Variants in ADA2 observed in about 807,000 individuals in gnomAD.
The protein encoded by ADA2 is adenosine deaminase CECR1.
In ADA2, 29 loss-of-function variants were observed where a neutral mutation model predicts 44.2. The ratio of observed to expected loss-of-function variants is 0.66; its 90% CI spans 0.49 to 0.89. ADA2 has a LOEUF of 0.89. ADA2 is among the 40% of genes least tolerant of loss of function. ADA2 has a pLI of 0.00. For synonymous variants in ADA2, 215 were observed against 234.9 expected (o/e 0.92, Z 0.77); for missense variants, 637 against 644.8 (o/e 0.99, Z 0.13).
At position 17,206,223 on chromosome 22, in the gene ADA2, A is replaced by G. The variant is rs983685041; in HGVS notation, c.542+848T>C. 3.9e-5 allele frequency among the ~76,000 whole-genome samples: 6 copies of G among 152,218 alleles called. 1 individual carries two copies. The South Asian group carries it at 1.2e-3, about 32-fold the overall frequency. On this transcript the variant is annotated intron_variant, in intron 3 of 9. Coordinates refer to ENST00000399837, the MANE Select transcript of ADA2 (RefSeq NM_001282225.2). Reference sequence around the variant, plus strand: ...TGTAATCTCAGCACTTTGGGAGGCCAAGATGGGCAGATCTCCTGAGGTCAG... The same window carrying G: ...TGTAATCTCAGCACTTTGGGAGGCCGAGATGGGCAGATCTCCTGAGGTCAG...
At chr22:17,188,868 A>AAAAAAAAAAAAAAAAAAAAAAAATAT in intron 6 of ADA2, 5 of 81,176 alleles carry the variant, frequency 6.2e-5, no homozygotes, top group African/African-American at 2.1e-4. Context: ...AAGAGCAAAA[A>AAAAAAAAAAAAAAAAAAAAAAAATAT]ATATATATAT....
Position 17,180,025 on chromosome 22 carries a change from G to C in ADA2, c.*1458C>G, listed in dbSNP as rs1478344770. 1 of 152,272 alleles carries C rather than the reference G, an allele frequency of 6.6e-6. No individual in the cohort carries two copies. The highest frequency in any genetic ancestry group is 6.6e-5 in the Admixed American group (1 of 15,258). 9.4% of individuals were successfully genotyped at this position (152,272 alleles called of 1,614,324 possible). ...CATGCCTGTAATCCCAGCTACTCAG[G>C]AGGCTGAGGCACGAGAATCCGCTTG... On this transcript the variant is annotated 3_prime_UTR_variant, in exon 10 of 10. Coordinates refer to ENST00000399837, the MANE Select transcript of ADA2 (RefSeq NM_001282225.2).
chr22:17,186,353 G>A (rs1028462287), intron 7 of ADA2, among the ~76,000 whole-genome samples: 2 of 150,940 alleles, frequency 1.3e-5, no homozygotes, highest in Non-Finnish European at 2.9e-5. Flanking sequence ...GGCCAAGGCG[G>A]GTGGATTGTT....
At chr22:17,204,461 C>A (rs1807517) in intron 3 of ADA2, among the ~76,000 whole-genome samples, 62,451 of 151,350 alleles carry the variant, frequency 0.41, 13,615 homozygotes, top group Middle Eastern at 0.52. Flanking sequence ...TACTAAAATA[C>A]AAAAATCAGC....
chr22:17,208,821 TAAAAAAAAAAA>T (rs2062384821), intron 2 of ADA2, among the ~76,000 whole-genome samples: 6 of 136,962 alleles, frequency 4.4e-5, no homozygotes, highest in East Asian at 2.4e-4. Context: ...TTTTTTTTAA[TAAAAAAAAAAA>T]TTAACATTTT....
intron 4 of ADA2, among the ~76,000 whole-genome samples, chr22:17,193,483 G>A (rs2062150208): frequency 6.6e-6 from 1 of 151,208 alleles, no homozygotes; most frequent in Middle Eastern, 3.5e-3. Flanking sequence ...TGGCCAATAT[G>A]GTGAAACCTC....
At chr22:17,203,064 A>G (rs2062310007) in intron 4 of ADA2, among the ~76,000 whole-genome samples, 1 of 151,970 alleles carries the variant, frequency 6.6e-6, no homozygotes, top group South Asian at 2.1e-4. Context: ...GTGAGCCACC[A>G]TGCCCGGCCG....
At chr22:17,208,819 A>T (rs1601461286) in intron 2 of ADA2, among the ~76,000 whole-genome samples, 1 of 133,920 alleles carries the variant, frequency 7.5e-6, no homozygotes, top group Non-Finnish European at 1.6e-5. Flanking sequence ...AATTTTTTTT[A>T]ATAAAAAAAA....
At chr22:17,220,010 G>A (rs1407796860), upstream of ADA2, among the ~76,000 whole-genome samples, 22 of 152,072 alleles carry the variant, frequency 1.4e-4, no homozygotes, top group Admixed American at 1.4e-3. Context: ...GGGAGGGTGT[G>A]TGTGTGTTTG....
chr22:17,216,832 AAAAT>A (rs1392507319), intron 1 of ADA2, among the ~76,000 whole-genome samples: 3 of 152,014 alleles, frequency 2.0e-5, no homozygotes, highest in African/African-American at 7.2e-5. Flanking sequence ...GATTAAAGTT[AAAAT>A]AAATAAATAA....
At chr22:17,194,999 G>A (rs560406084) in intron 4 of ADA2, among the ~76,000 whole-genome samples, 47 of 151,982 alleles carry the variant, frequency 3.1e-4, no homozygotes, top group African/African-American at 1.1e-3. Context: ...ACCAAGATGG[G>A]TCTGCACAAA....
At chr22:17,191,871 C>G in intron 4 of ADA2, 61 bp from the exon 5 acceptor site, 1 of 1,533,176 alleles carries the variant, frequency 6.5e-7, no homozygotes, top group Non-Finnish European at 8.7e-7. Context: ...ACCCCCTTCC[C>G]AGCCACCCCT....
chr22:17,207,624 C>T (rs2062370052), intron 2 of ADA2, among the ~76,000 whole-genome samples: 1 of 152,000 alleles, frequency 6.6e-6, no homozygotes, highest in Non-Finnish European at 1.5e-5. Context: ...TGATCTTGTC[C>T]AAGAGGGGCA....
chr22:17,196,993 C>T (rs2062199442), intron 4 of ADA2, among the ~76,000 whole-genome samples: 2 of 151,958 alleles, frequency 1.3e-5, no homozygotes, highest in African/African-American at 2.4e-5. Flanking sequence ...GCCAACATGG[C>T]GAAACCCCGT....
At chr22:17,198,647 G>A (rs956343785) in intron 4 of ADA2, 32 of 152,152 alleles carry the variant, frequency 2.1e-4, no homozygotes, top group East Asian at 1.4e-3. Flanking sequence ...ACTGTCACAG[G>A]TTCTCTGCCA....
chr22:17,192,985 A>G, intron 4 of ADA2: 1 of 629,400 alleles, frequency 1.6e-6, no homozygotes, highest in South Asian at 1.6e-5. Flanking sequence ...TCTGACCAAT[A>G]CGTCAAAATT....
At chr22:17,190,087 A>T in intron 5 of ADA2, 55 bp from the exon 6 acceptor site, 1 of 1,335,056 alleles carries the variant, frequency 7.5e-7, no homozygotes, top group Admixed American at 1.7e-5. Context: ...CAGAGCACAA[A>T]CCCCAGAGCA....
intron 1 of ADA2, chr22:17,213,657 G>A (rs191699868): frequency 1.5e-4 from 42 of 272,204 alleles, no homozygotes; most frequent in African/African-American, 9.3e-4. Context: ...GAATGAGGAG[G>A]AGAAGCAGCA....
intron 1 of ADA2, among the ~76,000 whole-genome samples, chr22:17,218,469 G>T (rs1221030134): frequency 1.3e-5 from 2 of 152,062 alleles, no homozygotes; most frequent in Admixed American, 6.6e-5. Context: ...CACGGTGTTT[G>T]CCTGCTACTA....
Sources: allele counts gnomAD v4.1 joint callset (sites outside exome capture counted in the v4.1 genomes callset), GRCh38; gene constraint gnomAD v4.1.1; transcripts MANE v1.5; gene names NCBI Gene and HGNC (gene_info 2026-07-23, HGNC 2026-07-21).